TRERF1: variants seen among roughly 807,000 people sequenced by gnomAD.
The protein encoded by TRERF1 is transcriptional-regulating factor 1.
Under a neutral mutation model 122.9 loss-of-function variants are expected in TRERF1, and 27 were observed. The observed-to-expected ratio is 0.22, with a 90% confidence interval of 0.16 to 0.30. TRERF1 has a LOEUF of 0.30. TRERF1 is among the 10% of genes least tolerant of loss of function. TRERF1 has a pLI of 1.00. For missense variants in TRERF1, 1,248 were observed against 1,560.3 expected (o/e 0.80, Z 3.37); for synonymous variants, 636 against 641.7 (o/e 0.99, Z 0.13).
intron 2 of TRERF1, among the ~76,000 whole-genome samples, chr6:42,387,653 G>A (rs1777029386): frequency 6.6e-6 from 1 of 152,178 alleles, no homozygotes; most frequent in African/African-American, 2.4e-5. Flanking sequence ...GCTGAACACT[G>A]AATTCATTAT....
intron 2 of TRERF1, among the ~76,000 whole-genome samples, chr6:42,377,268 T>C (rs1338752160): frequency 6.6e-6 from 1 of 152,242 alleles, no homozygotes; most frequent in Non-Finnish European, 1.5e-5. Flanking sequence ...ACTACTACTA[T>C]GACTACTTTA....
intron 3 of TRERF1, among the ~76,000 whole-genome samples, chr6:42,301,014 G>GAC (rs542251578): frequency 5.3e-5 from 8 of 151,806 alleles, no homozygotes; most frequent in African/African-American, 1.7e-4. Flanking sequence ...GAGAGAGAGA[G>GAC]AGACAGACAG....
At chr6:42,234,964 T>A (rs1771758585) in intron 16 of TRERF1, among the ~76,000 whole-genome samples, 1 of 152,172 alleles carries the variant, frequency 6.6e-6, no homozygotes, top group Admixed American at 6.5e-5. Context: ...ATTATCGCAA[T>A]CATGCTGCAG....
intron 15 of TRERF1, among the ~76,000 whole-genome samples, chr6:42,238,798 G>A (rs967514649): frequency 1.3e-5 from 2 of 149,426 alleles, no homozygotes; most frequent in African/African-American, 4.9e-5. Context: ...TAATGATGAC[G>A]ATGACAACAT....
intron 2 of TRERF1, among the ~76,000 whole-genome samples, chr6:42,432,731 T>A (rs1784674871): frequency 6.6e-6 from 1 of 151,304 alleles, no homozygotes. Context: ...TAGTCCCAGC[T>A]ACTCAGGAGG....
intron 2 of TRERF1, among the ~76,000 whole-genome samples, chr6:42,376,074 C>T (rs771004248): frequency 6.6e-6 from 1 of 152,088 alleles, no homozygotes; most frequent in Non-Finnish European, 1.5e-5. Flanking sequence ...TGTTTCTCGG[C>T]CTACCACTCA....
intron 3 of TRERF1, among the ~76,000 whole-genome samples, chr6:42,315,872 G>A (rs1428676181): frequency 2.0e-5 from 3 of 152,136 alleles, no homozygotes; most frequent in African/African-American, 7.2e-5. Context: ...AGAGGCTGAA[G>A]AGGAGGGACT....
In TRERF1 at chr6:42,254,833, G is replaced by T; in HGVS notation, c.2656+18C>A. The T allele has an allele frequency of 6.2e-7, 1 of 1,613,544 alleles. No individual in the cohort carries two copies. The highest frequency in any genetic ancestry group is 8.5e-7 in the Non-Finnish European group (1 of 1,179,424). ...CGTCGTCAGGAGGCAACAGGACACA[G>T]GGCTCCTGGCAACCTACCGGCATAG... On this transcript the variant is annotated intron_variant, in intron 13 of 17. Coordinates refer to ENST00000372922, the Ensembl canonical transcript of TRERF1.
rs532234492 is a variant in TRERF1 at position 42,288,386 on chromosome 6, T to C, written c.-259+12252A>G. On this transcript the variant is annotated intron_variant, in intron 4 of 17. Coordinates refer to ENST00000372922, the Ensembl canonical transcript of TRERF1. ...GAGTTTGAGACCAGCCTGGCCAACA[T>C]GGTGAAACCCCATCTCTACTAAAAA... Among the ~76,000 whole-genome samples the C allele has an allele frequency of 1.1e-3, 162 of 151,966 alleles. 1 individual carries two copies. The highest frequency in any genetic ancestry group is 3.1e-3 in the Admixed American group (48 of 15,250).
chr6:42,451,891 G>C (rs1788617199), intron 1 of TRERF1: 1 of 152,644 alleles, frequency 6.6e-6, no homozygotes, highest in Admixed American at 6.6e-5. Flanking sequence ...CTCCCCATCT[G>C]CATGCACCGC....
At chr6:42,439,667 G>A (rs903747540) in intron 2 of TRERF1, among the ~76,000 whole-genome samples, 2 of 152,124 alleles carry the variant, frequency 1.3e-5, no homozygotes, top group East Asian at 1.9e-4. Context: ...GGCCCATTCC[G>A]CCATGTGAGG....
intron 2 of TRERF1, among the ~76,000 whole-genome samples, chr6:42,433,239 G>T (rs978058491): frequency 6.6e-6 from 1 of 151,936 alleles, no homozygotes; most frequent in African/African-American, 2.4e-5. Flanking sequence ...TCCCTGGGCC[G>T]AGAAGACAAA....
At chr6:42,245,615 G>A (rs1475544308) in intron 14 of TRERF1, among the ~76,000 whole-genome samples, 1 of 152,190 alleles carries the variant, frequency 6.6e-6, no homozygotes, top group Non-Finnish European at 1.5e-5. Context: ...AAGTTTATCT[G>A]TTGTATAAAG....
chr6:42,288,509 C>T (rs1365722869), intron 4 of TRERF1, among the ~76,000 whole-genome samples: 4 of 146,380 alleles, frequency 2.7e-5, no homozygotes, highest in African/African-American at 1.0e-4. Context: ...TGGAGGTTGC[C>T]GTGAGCCAAG....
At chr6:42,364,027 T>C (rs145792147) in intron 2 of TRERF1, among the ~76,000 whole-genome samples, 112 of 152,352 alleles carry the variant, frequency 7.4e-4, no homozygotes, top group Middle Eastern at 6.8e-3. Flanking sequence ...AGAACACTCC[T>C]GTAGTATTTC....
chr6:42,250,051 G>A (rs1170306771), intron 13 of TRERF1, among the ~76,000 whole-genome samples: 1 of 152,172 alleles, frequency 6.6e-6, no homozygotes, highest in African/African-American at 2.4e-5. Flanking sequence ...GTCACCTTAG[G>A]TTGTAAACCT....
At chr6:42,400,949 G>A (rs1779294283) in intron 2 of TRERF1, among the ~76,000 whole-genome samples, 1 of 152,226 alleles carries the variant, frequency 6.6e-6, no homozygotes. Context: ...TGGGGCCTTG[G>A]AAAGGACAGA....
intron 13 of TRERF1, among the ~76,000 whole-genome samples, chr6:42,250,259 G>A (rs771939530): frequency 2.0e-5 from 3 of 152,160 alleles, no homozygotes; most frequent in Non-Finnish European, 2.9e-5. Flanking sequence ...GCTATGAGAC[G>A]TATGCCACCC....
At chr6:42,332,405 T>C (rs1462236589) in intron 3 of TRERF1, among the ~76,000 whole-genome samples, 4 of 152,014 alleles carry the variant, frequency 2.6e-5, no homozygotes, top group Admixed American at 2.0e-4. Flanking sequence ...AGACTAGCTA[T>C]TACAAGGTTT....
Sources: gnomAD v4.1 joint callset for allele counts (sites outside exome capture counted in the v4.1 genomes callset) on GRCh38, gnomAD v4.1.1 for gene constraint, MANE v1.5 for transcripts, NCBI Gene and HGNC (gene_info 2026-07-23, HGNC 2026-07-21) for gene names.